EPHA6: variants seen among roughly 807,000 people sequenced by gnomAD.
EPHA6 encodes ephrin type-A receptor 6.
In EPHA6, 50 loss-of-function variants were observed where a neutral mutation model predicts 112.0. That is an observed-to-expected ratio of 0.45 (90% CI 0.36 to 0.56). The LOEUF is 0.56. Among genes scored for constraint, EPHA6 ranks in the 20% least tolerant of loss-of-function variants. The pLI, the probability that EPHA6 is intolerant of heterozygous loss-of-function variation, is 0.00. For synonymous variants in EPHA6, 529 were observed against 490.7 expected (o/e 1.08, Z -1.03); for missense variants, 1,280 against 1,417.4 (o/e 0.90, Z 1.56).
chr3:97,484,167 T>A, intron 10 of EPHA6, 108 bp downstream of exon 10: 1 of 1,037,766 alleles, frequency 9.6e-7, no homozygotes, highest in Non-Finnish European at 1.3e-6. Context: ...TGAAAAGTTT[T>A]AACAAGTGAG....
At chr3:97,183,281 A>C (rs2077039643) in intron 3 of EPHA6, among the ~76,000 whole-genome samples, 1 of 152,110 alleles carries the variant, frequency 6.6e-6, no homozygotes, top group South Asian at 2.1e-4. Context: ...TCTAAAGTAA[A>C]AATTAAGTAC....
intron 11 of EPHA6, among the ~76,000 whole-genome samples, chr3:97,569,546 T>A (rs1275662402): frequency 6.6e-6 from 1 of 152,182 alleles, no homozygotes; most frequent in African/African-American, 2.4e-5. Flanking sequence ...GATATAATAG[T>A]TCCTTCTTCA....
At chr3:97,404,958 G>A (rs1337375358) in intron 5 of EPHA6, among the ~76,000 whole-genome samples, 192 bp from the exon 6 acceptor site, 1 of 152,114 alleles carries the variant, frequency 6.6e-6, no homozygotes, top group Non-Finnish European at 1.5e-5. Context: ...CCCTAAGAGT[G>A]TTCCTAAATA....
chr3:97,742,441 A>C (rs1456708410), intron 16 of EPHA6, among the ~76,000 whole-genome samples: 3 of 152,148 alleles, frequency 2.0e-5, no homozygotes, highest in Non-Finnish European at 4.4e-5. Context: ...GTTCCTCTTA[A>C]TGTTCAAACA....
rs556587327 is a variant in EPHA6 at position 97,667,399 on chromosome 3, G to A, written c.2784+29317G>A. ...TTCTTAAACATTTACAGTGTCTATG[G>A]TTTTAATTAATCTGATGCTCTATAA... On this transcript the variant is annotated intron_variant, in intron 14 of 17. Coordinates refer to ENST00000389672, the MANE Select transcript of EPHA6 (RefSeq NM_001080448.3). 3.9e-5 allele frequency among the ~76,000 whole-genome samples: 6 copies of A among 152,180 alleles called. No homozygotes were observed. In the East Asian group the frequency reaches 1.2e-3, roughly 29 times the overall value.
chr3:97,006,979 T>C (rs1177129924), intron 3 of EPHA6, among the ~76,000 whole-genome samples: 1 of 152,122 alleles, frequency 6.6e-6, no homozygotes, highest in Admixed American at 6.6e-5. Flanking sequence ...TGTTTGTTAT[T>C]ATTTCAGTTC....
chr3:97,357,589 C>G (rs540783747), intron 5 of EPHA6, among the ~76,000 whole-genome samples: 22 of 152,172 alleles, frequency 1.4e-4, no homozygotes, highest in African/African-American at 5.3e-4. Flanking sequence ...AAAGTAATTA[C>G]CAATAAGTAG....
intron 11 of EPHA6, among the ~76,000 whole-genome samples, chr3:97,535,676 G>A (rs1271882791): frequency 1.3e-5 from 2 of 152,060 alleles, no homozygotes; most frequent in Non-Finnish European, 2.9e-5. Context: ...ACTACCCATT[G>A]CATAAAAGAT....
At chr3:97,374,893 A>G (rs1007737973) in intron 5 of EPHA6, among the ~76,000 whole-genome samples, 2 of 152,148 alleles carry the variant, frequency 1.3e-5, no homozygotes, top group East Asian at 1.9e-4. Flanking sequence ...TTAATGATAT[A>G]TACAATTTCT....
intron 3 of EPHA6, among the ~76,000 whole-genome samples, chr3:96,997,590 T>G (rs924827710): frequency 2.0e-5 from 3 of 152,026 alleles, no homozygotes; most frequent in African/African-American, 7.2e-5. Flanking sequence ...ATTTATTTAT[T>G]AAGTTTTCTG....
intron 4 of EPHA6, among the ~76,000 whole-genome samples, chr3:97,234,191 G>A (rs2078615010): frequency 6.6e-6 from 1 of 152,010 alleles, no homozygotes; most frequent in Admixed American, 6.6e-5. Context: ...TCCAATTGTT[G>A]GGGGATGATC....
intron 6 of EPHA6, among the ~76,000 whole-genome samples, chr3:97,413,214 C>T (rs963433549): frequency 6.6e-6 from 1 of 151,854 alleles, no homozygotes; most frequent in African/African-American, 2.4e-5. Flanking sequence ...ATATAATGTT[C>T]CTACTTTTGA....
chr3:97,171,993 G>A (rs1457370255), intron 3 of EPHA6, among the ~76,000 whole-genome samples: 1 of 152,046 alleles, frequency 6.6e-6, no homozygotes, highest in African/African-American at 2.4e-5. Flanking sequence ...CAATACTGAG[G>A]TAGAGTATTG....
intron 3 of EPHA6, among the ~76,000 whole-genome samples, chr3:97,125,975 G>A (rs2048172043): frequency 6.6e-6 from 1 of 152,194 alleles, no homozygotes; most frequent in Non-Finnish European, 1.5e-5. Flanking sequence ...ATCCCACTGT[G>A]CTTTGGTTTA....
chr3:97,614,400 T>C (rs1390329291), intron 13 of EPHA6, among the ~76,000 whole-genome samples: 1 of 149,686 alleles, frequency 6.7e-6, no homozygotes, highest in East Asian at 2.0e-4. Context: ...AGTGGCACGA[T>C]CTTGGCTCAC....
At chr3:97,075,720 A>C (rs905524211) in intron 3 of EPHA6, among the ~76,000 whole-genome samples, 5 of 144,084 alleles carry the variant, frequency 3.5e-5, no homozygotes, top group African/African-American at 5.2e-5. Flanking sequence ...TTTTTTTTTT[A>C]CAAATTGAAG....
intron 3 of EPHA6, among the ~76,000 whole-genome samples, chr3:97,002,052 T>C (rs1038957271): frequency 7.9e-5 from 12 of 152,052 alleles, no homozygotes; most frequent in Non-Finnish European, 1.2e-4. Context: ...CATTTCTTGG[T>C]TTTATTTCTA....
chr3:97,498,273 G>A (rs1227728397), intron 10 of EPHA6, among the ~76,000 whole-genome samples: 1 of 143,404 alleles, frequency 7.0e-6, no homozygotes, highest in Non-Finnish European at 1.5e-5. Context: ...AAATCCAAGA[G>A]ACACAATTGT....
intron 3 of EPHA6, among the ~76,000 whole-genome samples, chr3:97,217,682 T>G (rs1288028040): frequency 6.6e-6 from 1 of 152,144 alleles, no homozygotes; most frequent in Non-Finnish European, 1.5e-5. Flanking sequence ...TCCAATCATA[T>G]GCTTTATTTG....
Sources: allele counts gnomAD v4.1 joint callset (sites outside exome capture counted in the v4.1 genomes callset), GRCh38; gene constraint gnomAD v4.1.1; transcripts MANE v1.5; gene names NCBI Gene and HGNC (gene_info 2026-07-23, HGNC 2026-07-21).